Variants in LPP observed in about 807,000 individuals in gnomAD.
The protein encoded by LPP is LIM domain containing preferred translocation partner in lipoma, also known as lipoma-preferred partner.
Under a neutral mutation model 60.4 loss-of-function variants are expected in LPP, and 38 were observed. That is an observed-to-expected ratio of 0.63 (90% CI 0.49 to 0.83). The LOEUF is 0.83. Ranked by LOEUF, LPP falls within the 40% of genes least tolerant of loss-of-function variation. The pLI is 0.00. For synonymous variants in LPP, 328 were observed against 290.8 expected, an observed-to-expected ratio of 1.13 and a Z score of -1.30; for missense variants, 902 against 783.6, an observed-to-expected ratio of 1.15 and a Z score of -1.80.
chr3:188,382,654 C>T (rs1777207588), intron 3 of LPP, among the ~76,000 whole-genome samples: 1 of 152,176 alleles, frequency 6.6e-6, no homozygotes, highest in African/African-American at 2.4e-5. Context: ...TTTTAACCCT[C>T]CTTCATACCT....
chr3:188,482,948 C>T (rs1393481339), intron 4 of LPP, among the ~76,000 whole-genome samples: 4 of 152,174 alleles, frequency 2.6e-5, no homozygotes, highest in Non-Finnish European at 4.4e-5. Context: ...CCCAGACCTA[C>T]TGAATCAGAA....
intron 7 of LPP, among the ~76,000 whole-genome samples, chr3:188,702,191 C>T (rs1403624966): frequency 1.3e-5 from 2 of 151,956 alleles, no homozygotes; most frequent in African/African-American, 4.8e-5. Flanking sequence ...TTCCTGACCT[C>T]GTGATCCGCC....
intron 9 of LPP, among the ~76,000 whole-genome samples, chr3:188,862,702 C>A (rs554323432): frequency 8.6e-6 from 1 of 116,126 alleles, no homozygotes; most frequent in Non-Finnish European, 1.6e-5. Context: ...ATGCTGGCAA[C>A]CCTACTAGAC....
intron 7 of LPP, among the ~76,000 whole-genome samples, chr3:188,662,906 G>C (rs1479675225): frequency 1.3e-5 from 2 of 152,238 alleles, no homozygotes; most frequent in African/African-American, 4.8e-5. Context: ...GTAATGCGAA[G>C]AAAAGATCAA....
At chr3:188,268,065 G>T (rs1158404128) in intron 2 of LPP, among the ~76,000 whole-genome samples, 1 of 139,048 alleles carries the variant, frequency 7.2e-6, no homozygotes, top group East Asian at 2.1e-4. Context: ...GCAAAAGGAA[G>T]GTAGAGCACG....
At chr3:188,420,220 G>T (rs1172696895) in intron 4 of LPP, among the ~76,000 whole-genome samples, 1 of 152,084 alleles carries the variant, frequency 6.6e-6, no homozygotes, top group Non-Finnish European at 1.5e-5. Context: ...CTTGGTGTAT[G>T]TTTGTCCTTG....
intron 2 of LPP, among the ~76,000 whole-genome samples, chr3:188,320,427 A>C (rs1301269869): frequency 3.3e-5 from 5 of 152,210 alleles, no homozygotes; most frequent in Non-Finnish European, 7.3e-5. Context: ...GCTCAGTCAC[A>C]GTGCTGCTTC....
chr3:188,731,512 G>GA (rs1720472702), intron 8 of LPP, among the ~76,000 whole-genome samples: 1 of 98,500 alleles, frequency 1.0e-5, no homozygotes, highest in Non-Finnish European at 2.0e-5. Context: ...TTATTTTTTT[G>GA]TTTTTTTTGT....
intron 3 of LPP, among the ~76,000 whole-genome samples, chr3:188,386,899 CATT>C (rs1411279231): frequency 2.0e-5 from 3 of 152,032 alleles, no homozygotes; most frequent in Non-Finnish European, 4.4e-5. Context: ...TGTACGAAGA[CATT>C]ATAATGACCC....
At chr3:188,550,577 CAAAAAA>C (rs67052080) in intron 6 of LPP, among the ~76,000 whole-genome samples, 5 of 66,918 alleles carry the variant, frequency 7.5e-5, no homozygotes, top group African/African-American at 3.2e-4. Context: ...GACTCCATCT[CAAAAAA>C]AAAAAAAAAA....
intron 5 of LPP, among the ~76,000 whole-genome samples, chr3:188,500,744 T>C (rs1811583380): frequency 6.6e-6 from 1 of 152,200 alleles, no homozygotes; most frequent in African/African-American, 2.4e-5. Flanking sequence ...CATAGCATAT[T>C]CAGATTTTTT....
chr3:188,627,993 A>C (rs1031451553), intron 7 of LPP, among the ~76,000 whole-genome samples: 1 of 152,194 alleles, frequency 6.6e-6, no homozygotes, highest in Non-Finnish European at 1.5e-5. Flanking sequence ...GAAATTAAAC[A>C]ACTTGTTCCT....
At chr3:188,695,061 C>T (rs112721690) in intron 7 of LPP, among the ~76,000 whole-genome samples, 2 of 152,174 alleles carry the variant, frequency 1.3e-5, no homozygotes, top group African/African-American at 4.8e-5. Flanking sequence ...AATCTTTGTA[C>T]TCCAGCTTTC....
chr3:188,366,721 T>C (rs1771278590), intron 3 of LPP, among the ~76,000 whole-genome samples: 1 of 152,042 alleles, frequency 6.6e-6, no homozygotes, highest in African/African-American at 2.4e-5. Context: ...CACAGACTCA[T>C]GAGATGTGAA....
intron 9 of LPP, among the ~76,000 whole-genome samples, chr3:188,800,517 T>C (rs1438657576): frequency 2.0e-5 from 3 of 152,104 alleles, no homozygotes; most frequent in Non-Finnish European, 2.9e-5. Context: ...AGTGCTGGGA[T>C]TACAGGCGTG....
At chr3:188,641,729 T>A (rs1037065787) in intron 7 of LPP, among the ~76,000 whole-genome samples, 4 of 152,224 alleles carry the variant, frequency 2.6e-5, no homozygotes, top group African/African-American at 9.6e-5. Flanking sequence ...TTTTCTTCTT[T>A]GTTTTCTTTT....
chr3:188,375,608 T>G (rs936431999), intron 3 of LPP, among the ~76,000 whole-genome samples: 2 of 152,206 alleles, frequency 1.3e-5, no homozygotes, highest in Non-Finnish European at 2.9e-5. Context: ...TCTTCTTTAT[T>G]AGTCTTGCTA....
chr3:188,420,625 G>T lies in LPP; in HGVS notation c.193+14312G>T, dbSNP rs115433856. Among the ~76,000 whole-genome samples, 514 of 152,150 alleles carry T rather than the reference G, an allele frequency of 3.4e-3. 3 individuals are homozygous for T. Among genetic ancestry groups the T allele is most frequent in the African/African-American group, 0.012 (495 of 41,522 alleles). On this transcript the variant is annotated intron_variant, in intron 4 of 11. Transcript: ENST00000617246. ...AGTCTGCGTGTATGTCTTTTTTAGGGAAAGCATTCACAACACCATCAGACC... is the reference window on the plus strand; with the variant it reads ...AGTCTGCGTGTATGTCTTTTTTAGGTAAAGCATTCACAACACCATCAGACC...
At chr3:188,695,291 AT>A (rs1380653675) in intron 7 of LPP, among the ~76,000 whole-genome samples, 1 of 152,202 alleles carries the variant, frequency 6.6e-6, no homozygotes, top group East Asian at 1.9e-4. Context: ...TATGACTACT[AT>A]TATTTTAATC....
Sources: allele counts gnomAD v4.1 joint callset (sites outside exome capture counted in the v4.1 genomes callset), GRCh38; gene constraint gnomAD v4.1.1; transcripts MANE v1.5; gene names NCBI Gene and HGNC (gene_info 2026-07-23, HGNC 2026-07-21).